The following HDX variants were observed in gnomAD, a reference collection of about 807,000 sequenced individuals.
HDX encodes chromosome X open reading frame 43.
In HDX, 19 loss-of-function variants were observed where a neutral mutation model predicts 45.2. The ratio of observed to expected loss-of-function variants is 0.42; its 90% CI spans 0.29 to 0.62. The LOEUF (loss-of-function observed/expected upper bound fraction) is 0.62, where lower values mean the gene tolerates loss of function less well. Ranked by LOEUF, HDX falls within the 20% of genes least tolerant of loss-of-function variation. The pLI, the probability that HDX is intolerant of heterozygous loss-of-function variation, is 0.20. For synonymous variants in HDX, 188 were observed against 172.8 expected (o/e 1.09, Z -0.69); for missense variants, 532 against 493.9 (o/e 1.08, Z -0.73).
chrX:84,400,510 C>CTCTT (rs769478755), intron 5 of HDX, among the ~76,000 whole-genome samples: 13 of 109,432 alleles, frequency 1.2e-4, no homozygotes, highest in African/African-American at 4.3e-4. Flanking sequence ...TGTGAAGGAC[C>CTCTT]TCTTTAAGGA....
At chrX:84,395,691 T>A (rs946836380) in intron 5 of HDX, among the ~76,000 whole-genome samples, 23 of 111,467 alleles carry the variant, frequency 2.1e-4, no homozygotes, top group Non-Finnish European at 3.8e-4. Flanking sequence ...TTTCTTTACC[T>A]CCTGGGACTC....
chrX:84,412,182 C>T (rs1411296688), intron 5 of HDX, among the ~76,000 whole-genome samples: 1 of 111,473 alleles, frequency 9.0e-6, no homozygotes, highest in African/African-American at 3.3e-5. Context: ...TAGATATGTG[C>T]AGATTAGATC....
At chrX:84,441,281 C>G (rs931668537) in intron 4 of HDX, among the ~76,000 whole-genome samples, 2 of 111,492 alleles carry the variant, frequency 1.8e-5, no homozygotes, top group African/African-American at 6.5e-5. Context: ...CAAGAGATGA[C>G]TTCATAATGA....
intron 5 of HDX, among the ~76,000 whole-genome samples, chrX:84,408,393 G>T (rs2038884700): frequency 9.5e-6 from 1 of 105,309 alleles, no homozygotes; most frequent in African/African-American, 3.5e-5. Flanking sequence ...TTTTTATTCT[G>T]TTCTATTTGT....
At chrX:84,471,538 T>A (rs2040456728) in intron 3 of HDX, among the ~76,000 whole-genome samples, 3 of 108,432 alleles carry the variant, frequency 2.8e-5, no homozygotes, top group Non-Finnish European at 5.7e-5. Flanking sequence ...TGGAAGGGTA[T>A]TCTGGGGGCA....
At chrX:84,445,929 G>C (rs987171879) in intron 4 of HDX, among the ~76,000 whole-genome samples, 1 of 111,188 alleles carries the variant, frequency 9.0e-6, no homozygotes, top group African/African-American at 3.3e-5. Flanking sequence ...TTTATACATA[G>C]TAGTAAAATT....
rs773519295 is a variant in HDX at position 84,448,992 on chromosome X, A to C, written c.1252-8407T>G. On this transcript the variant is annotated intron_variant, in intron 4 of 10. Transcript: ENST00000373177. ...GGAAAAATTCATGGAATCAAATAAA[A>C]AATCTAAAAAATTCATGGAATCAAA... Among the ~76,000 whole-genome samples the C allele has an allele frequency of 2.8e-5, 3 of 108,803 alleles. No homozygotes were observed. In the South Asian group the frequency reaches 1.2e-3, roughly 44 times the overall value. The allele number at this position is 108,803 out of a possible 115,157, so 94.5% of individuals were successfully genotyped here.
At chrX:84,337,224 TATTC>T (rs948678448) in intron 7 of HDX, among the ~76,000 whole-genome samples, 1 of 111,107 alleles carries the variant, frequency 9.0e-6, no homozygotes, top group Non-Finnish European at 1.9e-5. Context: ...TATAAGGAAA[TATTC>T]ATGGTTTACT....
intron 5 of HDX, among the ~76,000 whole-genome samples, chrX:84,411,497 T>G (rs1329690077): frequency 8.9e-6 from 1 of 112,159 alleles, no homozygotes; most frequent in African/African-American, 3.2e-5. Flanking sequence ...TATTGATTTC[T>G]AATTTTATTG....
At chrX:84,439,607 T>C (rs2039717236) in intron 5 of HDX, among the ~76,000 whole-genome samples, 1 of 111,562 alleles carries the variant, frequency 9.0e-6, no homozygotes, top group Admixed American at 9.6e-5. Flanking sequence ...AGTATCATTC[T>C]TCTGCACATG....
intron 5 of HDX, among the ~76,000 whole-genome samples, chrX:84,389,389 C>T (rs1393346490): frequency 1.8e-5 from 2 of 111,608 alleles, no homozygotes; most frequent in Admixed American, 1.9e-4. Flanking sequence ...CTACTCCTGC[C>T]CTGACTCAGG....
At chrX:84,484,991 A>G (rs919302483) in intron 2 of HDX, among the ~76,000 whole-genome samples, 4 of 111,930 alleles carry the variant, frequency 3.6e-5, no homozygotes, top group African/African-American at 1.3e-4. Context: ...ATTGTCATTC[A>G]GTTCAAAATA....
intron 5 of HDX, among the ~76,000 whole-genome samples, chrX:84,413,373 G>T (rs1156330521): frequency 9.0e-6 from 1 of 111,431 alleles, no homozygotes; most frequent in Non-Finnish European, 1.9e-5. Context: ...GTATAAGGTG[G>T]GCTCAGTGGA....
In HDX at chrX:84,440,607, T is replaced by C. The variant is rs750955932; in HGVS notation, c.1252-22A>G. 4 of 1,065,286 alleles carry C rather than the reference T, an allele frequency of 3.8e-6. No homozygotes were observed. In the African/African-American group the frequency reaches 5.5e-5, roughly 15 times the overall value. 87.8% of individuals were successfully genotyped at this position (1,065,286 alleles called of 1,213,427 possible). A position where few individuals can be genotyped will look rare whatever the true frequency, so the allele number is the denominator to read the frequency against. ...AAATCTGTGAAAACAATAAATGGAA[T>C]CTCAGTAAGCTATTTATTGACAGTA... On this transcript the variant is annotated intron_variant, in intron 4 of 10. Coordinates refer to ENST00000373177, the MANE Select transcript of HDX (RefSeq NM_001177479.2).
At chrX:84,392,834 A>C (rs1177735532) in intron 5 of HDX, among the ~76,000 whole-genome samples, 1 of 103,824 alleles carries the variant, frequency 9.6e-6, no homozygotes, top group African/African-American at 3.5e-5. Context: ...TTTTTTGTCT[A>C]CTGATTTTGT....
intron 1 of HDX, among the ~76,000 whole-genome samples, chrX:84,490,958 G>A (rs1322990397): frequency 8.1e-5 from 9 of 110,860 alleles, no homozygotes; most frequent in Non-Finnish European, 1.7e-4. Context: ...TTCTCTGGCT[G>A]CATTTAAGAT....
intron 5 of HDX, among the ~76,000 whole-genome samples, chrX:84,437,207 A>G (rs1312255897): frequency 9.0e-6 from 1 of 111,371 alleles, no homozygotes; most frequent in Non-Finnish European, 1.9e-5. Context: ...CTGTAAAAAG[A>G]GACAAAGGCA....
chrX:84,446,040 T>G lies in HDX; in HGVS notation c.1252-5455A>C, dbSNP rs2039865598. On this transcript the variant is annotated intron_variant, in intron 4 of 10. Coordinates refer to ENST00000373177, the MANE Select transcript of HDX (RefSeq NM_001177479.2). ...TTCAGAATTATAAAAGGTACTCAGA[T>G]GTAACATTACAAACCAAATTCGTCC... is the stretch of plus-strand genomic sequence containing the variant. 4.5e-5 allele frequency among the ~76,000 whole-genome samples: 5 copies of G among 111,710 alleles called. No homozygotes were observed. In the South Asian group the frequency reaches 1.8e-3, roughly 41 times the overall value.
intron 4 of HDX, among the ~76,000 whole-genome samples, chrX:84,459,791 A>G (rs1051735107): frequency 8.9e-6 from 1 of 111,942 alleles, no homozygotes; most frequent in Non-Finnish European, 1.9e-5. Flanking sequence ...ACAAACCTTT[A>G]GCGAGACTGT....
Sources: gnomAD v4.1 joint callset for allele counts (sites outside exome capture counted in the v4.1 genomes callset) on GRCh38, gnomAD v4.1.1 for gene constraint, MANE v1.5 for transcripts, NCBI Gene and HGNC (gene_info 2026-07-23, HGNC 2026-07-21) for gene names.